The following RSU1 variants were observed in gnomAD, a reference collection of about 807,000 sequenced individuals.
RSU1 encodes rsu-1.
In RSU1, 26 loss-of-function variants were observed where a neutral mutation model predicts 31.1. The observed-to-expected ratio is 0.84, with a 90% CI of 0.61 to 1.16. The LOEUF (loss-of-function observed/expected upper bound fraction) is 1.16, where lower values mean the gene tolerates loss of function less well. Ranked by LOEUF, RSU1 falls within the 50% of genes most tolerant of loss-of-function variation. The pLI, the probability that RSU1 is intolerant of heterozygous loss-of-function variation, is 0.00. For missense variants in RSU1, 320 were observed against 339.1 expected, an observed-to-expected ratio of 0.94 and a Z score of 0.44; for synonymous variants, 164 against 136.3, an observed-to-expected ratio of 1.20 and a Z score of -1.41.
intron 8 of RSU1, among the ~76,000 whole-genome samples, chr10:16,675,881 G>A (rs1835219940): frequency 6.6e-6 from 1 of 152,144 alleles, no homozygotes; most frequent in African/African-American, 2.4e-5. Flanking sequence ...TCCACTTAGT[G>A]GATAAGAGCT....
At chr10:16,630,083 T>A (rs1207794417) in intron 8 of RSU1, among the ~76,000 whole-genome samples, 1 of 152,196 alleles carries the variant, frequency 6.6e-6, no homozygotes, top group Non-Finnish European at 1.5e-5. Context: ...TTTTTTTTAT[T>A]TTTTGAAAGG....
At chr10:16,817,142 G>T in intron 1 of RSU1, 58 bp from the exon 2 acceptor site, 1 of 1,261,430 alleles carries the variant, frequency 7.9e-7, no homozygotes, top group Non-Finnish European at 1.2e-6. Flanking sequence ...AGGCGGAAAG[G>T]CAAGAGGCCT....
At chr10:16,712,726 GA>G (rs1836046742) in intron 7 of RSU1, among the ~76,000 whole-genome samples, 1 of 152,132 alleles carries the variant, frequency 6.6e-6, no homozygotes, top group South Asian at 2.1e-4. Context: ...CTTCATACTA[GA>G]GGATTGAGAG....
chr10:16,639,783 T>G (rs1834408682), intron 8 of RSU1, among the ~76,000 whole-genome samples: 1 of 152,234 alleles, frequency 6.6e-6, no homozygotes, highest in Non-Finnish European at 1.5e-5. Context: ...TTCAGGTTTT[T>G]CCTATTGCAT....
intron 8 of RSU1, among the ~76,000 whole-genome samples, chr10:16,620,671 C>A (rs1393019616): frequency 6.6e-6 from 1 of 152,006 alleles, no homozygotes; most frequent in East Asian, 1.9e-4. Flanking sequence ...CGGTGAAACC[C>A]CGTCTCTACT....
chr10:16,605,303 T>G (rs541411059), intron 8 of RSU1, among the ~76,000 whole-genome samples: 46 of 152,318 alleles, frequency 3.0e-4, no homozygotes, highest in Non-Finnish European at 5.6e-4. Context: ...AGTTATTTAT[T>G]TGATGTCTGT....
chr10:16,731,753 C>A (rs1836516044), intron 7 of RSU1, among the ~76,000 whole-genome samples: 1 of 151,892 alleles, frequency 6.6e-6, no homozygotes, highest in African/African-American at 2.4e-5. Flanking sequence ...CTAAGGCTGA[C>A]CAGTTTTTTA....
At chr10:16,621,820 T>C (rs1343014836) in intron 8 of RSU1, among the ~76,000 whole-genome samples, 1 of 152,204 alleles carries the variant, frequency 6.6e-6, no homozygotes, top group Middle Eastern at 3.2e-3. Flanking sequence ...TTATGGGAGC[T>C]ACAATTCAAG....
At chr10:16,666,924 G>A (rs1267297695) in intron 8 of RSU1, among the ~76,000 whole-genome samples, 1 of 151,928 alleles carries the variant, frequency 6.6e-6, no homozygotes, top group African/African-American at 2.4e-5. Flanking sequence ...CAGCATTGCG[G>A]GGCGAAGGTT....
chr10:16,784,013 C>T (rs1209361240), intron 2 of RSU1, among the ~76,000 whole-genome samples: 1 of 152,146 alleles, frequency 6.6e-6, no homozygotes, highest in Non-Finnish European at 1.5e-5. Flanking sequence ...ATTTCTCTTT[C>T]CTTGACTTTC....
At chr10:16,761,579 G>A (rs544956722) in intron 4 of RSU1, among the ~76,000 whole-genome samples, 6 of 152,270 alleles carry the variant, frequency 3.9e-5, no homozygotes, top group Non-Finnish European at 7.4e-5. Context: ...ATTCTCAGCC[G>A]GGCACGGTGG....
At chr10:16,645,966 GTA>G (rs1313782380) in intron 8 of RSU1, among the ~76,000 whole-genome samples, 4 of 29,226 alleles carry the variant, frequency 1.4e-4, no homozygotes, top group African/African-American at 8.7e-4. Flanking sequence ...ACATATATGT[GTA>G]TATATATGTG....
At chr10:16,607,111 C>T (rs567468463) in intron 8 of RSU1, among the ~76,000 whole-genome samples, 20 of 152,246 alleles carry the variant, frequency 1.3e-4, no homozygotes, top group African/African-American at 4.3e-4. Context: ...GTGCTGTTCT[C>T]GTGATAGTGA....
chr10:16,728,000 G>A (rs1209020630), intron 7 of RSU1, among the ~76,000 whole-genome samples: 2 of 152,228 alleles, frequency 1.3e-5, no homozygotes, highest in African/African-American at 2.4e-5. Flanking sequence ...GCATCTCGGA[G>A]AGAGAAAGAA....
chr10:16,791,635 C>CAA (rs553951655), intron 2 of RSU1, among the ~76,000 whole-genome samples: 12 of 98,490 alleles, frequency 1.2e-4, no homozygotes, highest in Admixed American at 4.2e-4. Flanking sequence ...CTCAAAAAAA[C>CAA]AAAAAAAAAA....
intron 8 of RSU1, among the ~76,000 whole-genome samples, chr10:16,635,212 TCTC>T (rs1834326058): frequency 6.6e-6 from 1 of 152,146 alleles, no homozygotes; most frequent in African/African-American, 2.4e-5. Context: ...CAAACCAAAT[TCTC>T]CTGATGCAGC....
At chr10:16,808,485 GAAAAAA>G (rs34449677) in intron 2 of RSU1, among the ~76,000 whole-genome samples, 11 of 89,622 alleles carry the variant, frequency 1.2e-4, no homozygotes, top group South Asian at 8.3e-4. Context: ...CTCCATTTAA[GAAAAAA>G]AAAAAAAAAA....
At chr10:16,649,290 C>T (rs913984361) in intron 8 of RSU1, among the ~76,000 whole-genome samples, 3 of 152,134 alleles carry the variant, frequency 2.0e-5, no homozygotes, top group African/African-American at 7.2e-5. Flanking sequence ...CAGTCTCCTT[C>T]TCAGAGATAT....
intron 2 of RSU1, among the ~76,000 whole-genome samples, chr10:16,797,922 G>C (rs1392560639): frequency 1.3e-5 from 2 of 149,112 alleles, no homozygotes; most frequent in Non-Finnish European, 3.0e-5. Flanking sequence ...AGTGGAGCGG[G>C]GCAATCTCGG....
Sources: gnomAD v4.1 joint callset for allele counts (sites outside exome capture counted in the v4.1 genomes callset) on GRCh38, gnomAD v4.1.1 for gene constraint, MANE v1.5 for transcripts, NCBI Gene and HGNC (gene_info 2026-07-23, HGNC 2026-07-21) for gene names.